Variants in RTL1 observed in about 807,000 individuals in gnomAD.
The protein encoded by RTL1 is retrotransposon-like protein 1.
For synonymous variants in RTL1, 727 were observed against 748.4 expected (o/e 0.97, Z 0.47); for missense variants, 1,681 against 1,767.5 (o/e 0.95, Z 0.88).
At chr14:100,892,050 A>G (rs1360285842) in intron 3 of RTL1, among the ~76,000 whole-genome samples, 1 of 152,138 alleles carries the variant, frequency 6.6e-6, no homozygotes, top group Non-Finnish European at 1.5e-5. Flanking sequence ...TTTCATTTAA[A>G]CAGAGGTTGC....
chr14:100,896,938 G>T (rs1033764524), intron 2 of RTL1, among the ~76,000 whole-genome samples: 1 of 152,078 alleles, frequency 6.6e-6, no homozygotes. Context: ...ATTCCACTCG[G>T]CTAATCTCCA....
At chr14:100,901,725 G>A (rs2038944716) in intron 2 of RTL1, among the ~76,000 whole-genome samples, 1 of 152,050 alleles carries the variant, frequency 6.6e-6, no homozygotes, top group African/African-American at 2.4e-5. Flanking sequence ...CAGGTGCTTG[G>A]CCACTCTAGG....
In RTL1 at chr14:100,882,783, C is replaced by T. The variant is rs980147901; in HGVS notation, c.2006G>A (p.Arg669His). ...GAEWFTKLEL[R>H]GTIVEESVNG... ...CACGCTTTCCTCCACAATGGTCCCA[C>T]GCAGCTCCAGTTTTGTGAACCACTC... The change falls in exon 4 of 4, where the codon CGT (arginine) becomes CAT (histidine). Residue 669 changes from arginine to histidine, a missense_variant. By Grantham distance (29) the Arg-to-His change is conservative. Transcript: ENST00000649591. 18 of 1,551,758 alleles carry T rather than the reference C, an allele frequency of 1.2e-5. No individual in the cohort carries two copies. The African/African-American group carries it at 1.9e-4, about 17-fold the overall frequency.
At chr14:100,885,888 CTG>C (rs1315099986) in intron 3 of RTL1, among the ~76,000 whole-genome samples, 1 of 152,148 alleles carries the variant, frequency 6.6e-6, no homozygotes, top group African/African-American at 2.4e-5. Context: ...CTTTTTCTCT[CTG>C]TTGCTGGTTG....
At position 100,884,866 on chromosome 14, in the gene RTL1, G is replaced by C; in HGVS notation, c.-78C>G. 2.2e-6 allele frequency: 3 copies of C among 1,354,730 alleles called. No homozygotes were observed. The highest frequency in any genetic ancestry group is 1.5e-5 in the African/African-American group (1 of 68,924). The allele number at this position is 1,354,730 out of a possible 1,614,324, so 83.9% of individuals were successfully genotyped here. A position where few individuals can be genotyped will look rare whatever the true frequency, so the allele number is the denominator to read the frequency against. On this transcript the variant is annotated 5_prime_UTR_variant, in exon 4 of 4. In the 5' UTR this introduces an upstream ATG that the reference lacks. Coordinates refer to ENST00000649591, the MANE Select transcript of RTL1 (RefSeq NM_001134888.3). ...TCCAGTCAGTAGCTGGGACCGTGGA[G>C]ATCAGAACCTGGTGGTGGAAGGGGA...
rs2038660674 is a variant in RTL1 at position 100,884,013 on chromosome 14, TC to T, written c.775del (p.Glu259LysfsTer5). On this transcript the variant is annotated frameshift_variant, in exon 4 of 4. Coordinates refer to ENST00000649591, the MANE Select transcript of RTL1 (RefSeq NM_001134888.3). LOFTEE classifies it low-confidence loss of function (END_TRUNC). ...ALEWAKALLQ[E>X]NSPLIGDFPA... Reference sequence around the variant, plus strand: ...GAAGTCTCCGATCAGGGGGCTGTTTTCCTGCAGTAGAGCTTTGGCCCATTCT... The same window carrying T: ...GAAGTCTCCGATCAGGGGGCTGTTTTCTGCAGTAGAGCTTTGGCCCATTCT... 6.4e-7 allele frequency: 1 copy of T among 1,551,620 alleles called. No individual in the cohort carries two copies. Among genetic ancestry groups the T allele is most frequent in the African/African-American group, 1.4e-5 (1 of 73,056 alleles).
rs554881658 is a variant in RTL1 at position 100,882,428 on chromosome 14, C to T, written c.2361G>A (p.Val787=). The T allele has an allele frequency of 6.2e-5, 96 of 1,552,078 alleles. No homozygotes were observed. Among genetic ancestry groups the T allele is most frequent in the South Asian group, 6.1e-4 (51 of 84,058 alleles). The change falls in exon 4 of 4, where the codon GTG becomes GTA. Residue 787 remains valine (V), a synonymous_variant. Transcript: ENST00000649591. ...TGGTCATGACGTTCTTGTTCAGTTT[C>T]ACCCCTTTGGGGGTGACGACGAAGC... ...FLGFVVTPKG[V]KLNKNVMTII...
Position 100,883,311 on chromosome 14 carries a change from T to A in RTL1, c.1478A>T (p.Asp493Val). The A allele has an allele frequency of 6.4e-7, 1 of 1,551,212 alleles. No homozygotes were observed. Among genetic ancestry groups the A allele is most frequent in the Non-Finnish European group, 8.7e-7 (1 of 1,146,780 alleles). ...HQNHQESIEF[D>V]IVPSPNFSVV... ...AGAGAAGTTCGGTGAAGGTACGATG[T>A]CAAATTCGATGGACTCCTGGTGGTT... The change falls in exon 4 of 4, where the codon GAC becomes GTC. Residue 493 changes from aspartate to valine, a missense_variant. Asp to Val is a radical substitution (Grantham distance 152). Transcript: ENST00000649591. This position sits in a 1 kb window ranked among gnomAD's most constrained non-coding sequence, Gnocchi z 5.9.
At chr14:100,894,304 C>T (rs1263799667) in intron 2 of RTL1, among the ~76,000 whole-genome samples, 4 of 131,646 alleles carry the variant, frequency 3.0e-5, no homozygotes, top group African/African-American at 5.9e-5. Context: ...AGTGAAACTC[C>T]GTCTCAAAAA....
Position 100,884,345 on chromosome 14 carries a change from C to T in RTL1, c.444G>A (p.Glu148=). The part of the protein sequence containing the change: ...HTDLKESGRE[E]TPQEQNQTEH... ...CGGTCTGGTTTTGCTCTTGAGGAGT[C>T]TCCTCCCTTCCCGATTCCTTCAGGT... The change falls in exon 4 of 4, where the codon GAG becomes GAA. Residue 148 remains glutamate, a synonymous_variant. Coordinates refer to ENST00000649591, the MANE Select transcript of RTL1 (RefSeq NM_001134888.3). 6.4e-7 allele frequency: 1 copy of T among 1,554,744 alleles called. No homozygotes were observed. The highest frequency in any genetic ancestry group is 8.7e-7 in the Non-Finnish European group (1 of 1,148,288).
In RTL1 at chr14:100,884,693, G is replaced by A; in HGVS notation, c.96C>T (p.Thr32=). 1.2e-6 allele frequency: 2 copies of A among 1,613,764 alleles called. No homozygotes were observed. The highest frequency in any genetic ancestry group is 8.5e-7 in the Non-Finnish European group (1 of 1,179,982). The change falls in exon 4 of 4, where the codon ACC becomes ACT. Residue 32 remains threonine (T), a synonymous_variant. Coordinates refer to ENST00000649591, the MANE Select transcript of RTL1 (RefSeq NM_001134888.3). ...QMESSEGSSN[T]TEATSGSGVR... The stretch of plus-strand genomic sequence containing the variant: ...CTCCACTGCCCGACGTCGCCTCGGT[G>A]GTGTTGGATGAGCCCTCGGAGGACT...
intron 2 of RTL1, chr14:100,897,488 AT>A (rs546725151): frequency 6.6e-6 from 1 of 151,906 alleles, no homozygotes; most frequent in Non-Finnish European, 1.5e-5. Context: ...GGTTCCAGAT[AT>A]TTTTTTCTGT....
chr14:100,884,839 C>T lies in RTL1; in HGVS notation c.-51G>A, dbSNP rs181084171. 226 of 1,496,594 alleles carry T rather than the reference C, an allele frequency of 1.5e-4. No individual in the cohort carries two copies. The East Asian group carries it at 4.4e-3, about 29-fold the overall frequency. The allele number at this position is 1,496,594 out of a possible 1,614,324, so 92.7% of individuals were successfully genotyped here. Reference sequence around the variant, plus strand: ...CTGAAGATTGGTAAGGTTGTGATGGCGTCCAGTCAGTAGCTGGGACCGTGG... The same window carrying T: ...CTGAAGATTGGTAAGGTTGTGATGGTGTCCAGTCAGTAGCTGGGACCGTGG... On this transcript the variant is annotated 5_prime_UTR_variant, in exon 4 of 4. Transcript: ENST00000649591.
At chr14:100,900,846 C>T (rs1409293755) in intron 2 of RTL1, among the ~76,000 whole-genome samples, 1 of 152,210 alleles carries the variant, frequency 6.6e-6, no homozygotes, top group Non-Finnish European at 1.5e-5. Context: ...ATGTAAATGT[C>T]ACTCTCCCAA....
At position 100,882,407 on chromosome 14, in the gene RTL1, C is replaced by A; in HGVS notation, c.2382G>T (p.Met794Ile). ...GGGTAGGGTACCCTGTTATGATGGT[C>A]ATGACGTTCTTGTTCAGTTTCACCC... Reference protein sequence around the residue: ...PKGVKLNKNVMTIITGYPTPG... With the variant: ...PKGVKLNKNVITIITGYPTPG... The change falls in exon 4 of 4, where the codon ATG (methionine) becomes ATT (isoleucine). Residue 794 changes from methionine to isoleucine, a missense_variant. Met to Ile is a conservative substitution (Grantham distance 10). Coordinates refer to ENST00000649591, the MANE Select transcript of RTL1 (RefSeq NM_001134888.3). 2.6e-6 allele frequency: 4 copies of A among 1,551,980 alleles called. No homozygotes were observed. The highest frequency in any genetic ancestry group is 3.5e-6 in the Non-Finnish European group (4 of 1,147,080).
In RTL1 at chr14:100,882,146, G is replaced by T. The variant is rs1277979181; in HGVS notation, c.2643C>A (p.Val881=). The T allele has an allele frequency of 6.4e-7, 1 of 1,551,528 alleles. No individual in the cohort carries two copies. Among genetic ancestry groups the T allele is most frequent in the Non-Finnish European group, 8.7e-7 (1 of 1,147,362 alleles). Residue 881 remains valine (V), a synonymous_variant, in exon 4 of 4, where the codon GTC becomes GTA. Transcript: ENST00000649591. The part of the protein sequence containing the change: ...PQNPFYLETG[V]TGTALHASLI... ...GGGAGGCGTGCAGGGCCGTGCCGGTGACGCCGGTTTCCAAGTAGAATGGGT... is the reference window on the plus strand; with the variant it reads ...GGGAGGCGTGCAGGGCCGTGCCGGTTACGCCGGTTTCCAAGTAGAATGGGT...
chr14:100,897,022 G>A (rs891460645), intron 2 of RTL1, among the ~76,000 whole-genome samples: 9 of 152,284 alleles, frequency 5.9e-5, no homozygotes, highest in African/African-American at 1.9e-4. Flanking sequence ...CGTGGGTGCT[G>A]GACAGCTTGG....
At chr14:100,896,108 G>T (rs187674570) in intron 2 of RTL1, among the ~76,000 whole-genome samples, 92 of 151,600 alleles carry the variant, frequency 6.1e-4, no homozygotes, top group Non-Finnish European at 1.1e-3. Context: ...CAAAACTATA[G>T]CAATCACCTC....
intron 3 of RTL1, among the ~76,000 whole-genome samples, chr14:100,886,982 G>C (rs2038705008): frequency 6.6e-6 from 1 of 152,076 alleles, no homozygotes; most frequent in Admixed American, 6.5e-5. Context: ...AATATCCTCG[G>C]CATGTTAGAA....
Sources: allele counts gnomAD v4.1 joint callset (sites outside exome capture counted in the v4.1 genomes callset), GRCh38; gene constraint gnomAD v4.1.1; non-coding constraint Gnocchi (gnomAD v3.1); transcripts MANE v1.5; gene names NCBI Gene and HGNC (gene_info 2026-07-23, HGNC 2026-07-21).